The following MAN1C1 variants were observed in gnomAD, a reference collection of about 807,000 sequenced individuals.
The protein encoded by MAN1C1 is mannosyl-oligosaccharide 1,2-alpha-mannosidase IC.
MAN1C1 carries 49 observed loss-of-function variants against 71.5 expected under a neutral mutation model. The ratio of observed to expected loss-of-function variants is 0.69; its 90% CI spans 0.54 to 0.87. The LOEUF (loss-of-function observed/expected upper bound fraction) is 0.87. Ranked by LOEUF, MAN1C1 falls within the 40% of genes least tolerant of loss-of-function variation. The pLI, the probability that MAN1C1 is intolerant of heterozygous loss-of-function variation, is 0.00. For synonymous variants in MAN1C1, 352 were observed against 343.7 expected, an observed-to-expected ratio of 1.02 and a Z score of -0.27; for missense variants, 743 against 835.0, an observed-to-expected ratio of 0.89 and a Z score of 1.36.
intron 4 of MAN1C1, among the ~76,000 whole-genome samples, chr1:25,750,681 G>A (rs1377045299): frequency 6.6e-6 from 1 of 152,228 alleles, no homozygotes; most frequent in Admixed American, 6.5e-5. Flanking sequence ...ATTAGCGCTT[G>A]TACCAATTTG....
rs557164505 is a variant in MAN1C1, at chr1:25,754,463, C to T, written c.929+885C>T. Among the ~76,000 whole-genome samples, 17 of 152,168 alleles carry T rather than the reference C, an allele frequency of 1.1e-4. No homozygotes were observed. The South Asian group carries it at 3.3e-3, about 30-fold the overall frequency. Reference sequence around the variant, plus strand: ...GAGGGCTTGGCATGTTCAGCATCTTCGTCAACTGTCCTCCCCTGTAGTTGG... The same window carrying T: ...GAGGGCTTGGCATGTTCAGCATCTTTGTCAACTGTCCTCCCCTGTAGTTGG... On this transcript the variant is annotated intron_variant, in intron 5 of 11. Coordinates refer to ENST00000374332, the MANE Select transcript of MAN1C1 (RefSeq NM_020379.4).
At chr1:25,741,499 C>T (rs549076864) in intron 2 of MAN1C1, among the ~76,000 whole-genome samples, 15 of 152,156 alleles carry the variant, frequency 9.9e-5, no homozygotes, top group Non-Finnish European at 1.8e-4. Flanking sequence ...CCGTGACACC[C>T]GGAGACCAGC....
rs750907146 is a variant in MAN1C1 at position 25,730,559 on chromosome 1, G to A, written c.638-16109G>A. Among the ~76,000 whole-genome samples the A allele has an allele frequency of 1.3e-5, 2 of 152,170 alleles. No homozygotes were observed. The highest frequency in any genetic ancestry group is 2.4e-5 in the African/African-American group (1 of 41,444). ...AAGCCTTGAAATGCTCCTGGGCTTCGATCTTTAGGAAATTGAACTGTGTGT... is the reference window on the plus strand; with the variant it reads ...AAGCCTTGAAATGCTCCTGGGCTTCAATCTTTAGGAAATTGAACTGTGTGT... On this transcript the variant is annotated intron_variant, in intron 2 of 11. Coordinates refer to ENST00000374332, the MANE Select transcript of MAN1C1 (RefSeq NM_020379.4). The surrounding 1 kb of genome is among the most constrained non-coding windows in gnomAD (Gnocchi z 4.3).
In MAN1C1 at chr1:25,649,669, A is replaced by G. The variant is rs573273123; in HGVS notation, c.540+31332A>G. The stretch of plus-strand genomic sequence containing the variant: ...TTTTCTTTTTTGGAGATAGGGTCTC[A>G]CTCTGTCGCCCAGGCTGGAGTACAG... On this transcript the variant is annotated intron_variant, in intron 1 of 11. Coordinates refer to ENST00000374332, the MANE Select transcript of MAN1C1 (RefSeq NM_020379.4). Among the ~76,000 whole-genome samples, 28 of 152,014 alleles carry G rather than the reference A, an allele frequency of 1.8e-4. 1 individual carries two copies. The highest frequency in any genetic ancestry group is 1.4e-3 in the Admixed American group (22 of 15,268).
At chr1:25,731,834 C>G (rs2046913623) in intron 2 of MAN1C1, among the ~76,000 whole-genome samples, 1 of 152,178 alleles carries the variant, frequency 6.6e-6, no homozygotes, top group South Asian at 2.1e-4. Flanking sequence ...ACCTGTCTGG[C>G]CTGTGGTCAT....
At chr1:25,766,346 T>TG (rs201770487) in intron 7 of MAN1C1, among the ~76,000 whole-genome samples, 4 of 151,774 alleles carry the variant, frequency 2.6e-5, no homozygotes, top group African/African-American at 4.8e-5. Flanking sequence ...GGTTTTTTGT[T>TG]GGTTTTTTTT....
chr1:25,675,229 C>T (rs371614951), intron 1 of MAN1C1, among the ~76,000 whole-genome samples: 2 of 152,264 alleles, frequency 1.3e-5, no homozygotes, highest in South Asian at 4.2e-4. Context: ...TATCCCTCAA[C>T]CCCTGCAGTC....
chr1:25,682,180 G>A (rs896221776), intron 1 of MAN1C1, among the ~76,000 whole-genome samples: 4 of 152,150 alleles, frequency 2.6e-5, no homozygotes, highest in African/African-American at 9.7e-5. Flanking sequence ...TCCCAACTTA[G>A]TCCTTAGCTG....
chr1:25,739,492 T>C (rs2047030027), intron 2 of MAN1C1, among the ~76,000 whole-genome samples: 1 of 152,212 alleles, frequency 6.6e-6, no homozygotes, highest in Non-Finnish European at 1.5e-5. Context: ...TTCTAAATGT[T>C]CTTCCTGGAG....
intron 2 of MAN1C1, among the ~76,000 whole-genome samples, chr1:25,696,611 C>T (rs148402967): frequency 2.6e-5 from 4 of 152,144 alleles, no homozygotes; most frequent in African/African-American, 9.6e-5. Flanking sequence ...CTGTAGCTCC[C>T]CAAGGGTAGC....
rs983213880 is a variant in MAN1C1, at chr1:25,725,440, G to T, written c.638-21228G>T. ...GAAGGAGCCACTGATTCTGCCTCTG[G>T]GAACTTCACAGAGCAGGTTACGTTG... On this transcript the variant is annotated intron_variant, in intron 2 of 11. Coordinates refer to ENST00000374332, the MANE Select transcript of MAN1C1 (RefSeq NM_020379.4). This position sits in a 1 kb window ranked among gnomAD's most constrained non-coding sequence, Gnocchi z 4.8. Among the ~76,000 whole-genome samples the T allele has an allele frequency of 1.3e-5, 2 of 152,170 alleles. No homozygotes were observed. Among genetic ancestry groups the T allele is most frequent in the African/African-American group, 4.8e-5 (2 of 41,430 alleles).
chr1:25,709,648 A>C (rs1340902327), intron 2 of MAN1C1: 1 of 152,202 alleles, frequency 6.6e-6, no homozygotes, highest in Non-Finnish European at 1.5e-5. Flanking sequence ...AGAGGAATGC[A>C]TGAAGATTCC....
intron 1 of MAN1C1, chr1:25,658,682 T>C (rs1039849933): frequency 2.0e-5 from 3 of 152,268 alleles, no homozygotes; most frequent in Admixed American, 1.3e-4. Flanking sequence ...CTTGAATTCA[T>C]GAGGTCAAGT....
chr1:25,758,462 G>A (rs1385585818), intron 5 of MAN1C1, 130 bp from the exon 6 acceptor site: 3 of 729,954 alleles, frequency 4.1e-6, no homozygotes, highest in Non-Finnish European at 7.1e-6. Flanking sequence ...CACTGAAATT[G>A]TACGGCGAAA....
intron 2 of MAN1C1, among the ~76,000 whole-genome samples, chr1:25,693,700 G>A (rs1327348327): frequency 6.6e-6 from 1 of 152,206 alleles, no homozygotes; most frequent in Non-Finnish European, 1.5e-5. Context: ...AAGGCCAAAT[G>A]TACTTGCAAA....
At chr1:25,751,682 G>A (rs1359238372) in intron 4 of MAN1C1, among the ~76,000 whole-genome samples, 3 of 152,198 alleles carry the variant, frequency 2.0e-5, no homozygotes, top group East Asian at 1.9e-4. Flanking sequence ...TGCATACCTC[G>A]TGTACTTTCT....
At chr1:25,683,499 G>A (rs912858359) in intron 1 of MAN1C1, among the ~76,000 whole-genome samples, 1 of 152,204 alleles carries the variant, frequency 6.6e-6, no homozygotes, top group African/African-American at 2.4e-5. Flanking sequence ...GGGGTGGAGG[G>A]TCTGACCAAA....
At chr1:25,765,232 G>A (rs1257955168) in intron 7 of MAN1C1, among the ~76,000 whole-genome samples, 2 of 152,228 alleles carry the variant, frequency 1.3e-5, no homozygotes, top group South Asian at 2.1e-4. Flanking sequence ...GTTTGGGGTC[G>A]CTTAGGTGTG....
At chr1:25,674,457 A>C (rs2046036244) in intron 1 of MAN1C1, among the ~76,000 whole-genome samples, 1 of 152,220 alleles carries the variant, frequency 6.6e-6, no homozygotes, top group Non-Finnish European at 1.5e-5. Flanking sequence ...CTGCATAATC[A>C]TGCAGGGAAA....
Sources: gnomAD v4.1 joint callset for allele counts (sites outside exome capture counted in the v4.1 genomes callset) on GRCh38, gnomAD v4.1.1 for gene constraint, Gnocchi (gnomAD v3.1) non-coding constraint, MANE v1.5 for transcripts, NCBI Gene and HGNC (gene_info 2026-07-23, HGNC 2026-07-21) for gene names.